Variants in NELL1 observed in about 807,000 individuals in gnomAD.
The protein encoded by NELL1 is protein kinase C-binding protein NELL1.
A neutral mutation model predicts 107.4 loss-of-function variants in NELL1; 76 were observed. That is an observed-to-expected ratio of 0.71 (90% CI 0.59 to 0.86). The LOEUF is 0.86. NELL1 is among the 40% of genes least tolerant of loss of function. The pLI is 0.00. For synonymous variants in NELL1, 353 were observed against 341.2 expected (o/e 1.03, Z -0.38); for missense variants, 1,024 against 1,005.5 (o/e 1.02, Z -0.25).
intron 17 of NELL1, among the ~76,000 whole-genome samples, chr11:21,570,492 C>T (rs528255572): frequency 9.7e-4 from 147 of 151,854 alleles, no homozygotes; most frequent in African/African-American, 3.3e-3. Context: ...CTTAGAAATA[C>T]GATTTTTAAG....
chr11:20,715,641 T>G (rs1275700801), intron 2 of NELL1, among the ~76,000 whole-genome samples: 1 of 152,220 alleles, frequency 6.6e-6, no homozygotes, highest in Non-Finnish European at 1.5e-5. Flanking sequence ...TGCCAATGTG[T>G]CTTTTGACAG....
At chr11:21,129,345 T>C (rs1855562395) in intron 13 of NELL1, among the ~76,000 whole-genome samples, 1 of 152,054 alleles carries the variant, frequency 6.6e-6, no homozygotes, top group Admixed American at 6.6e-5. Context: ...TGGTGGTTCA[T>C]CAAAAATTAA....
Position 21,211,687 on chromosome 11 carries a change from G to A in NELL1, c.1427-17645G>A, listed in dbSNP as rs1857500837. ...GGAATGGCAATGGAAGTGGAAATGTGCAAATGAGTTTGAGAGATACTTAGG... is the reference window on the plus strand; with the variant it reads ...GGAATGGCAATGGAAGTGGAAATGTACAAATGAGTTTGAGAGATACTTAGG... On this transcript the variant is annotated intron_variant, in intron 13 of 19. Transcript: ENST00000357134. Among the ~76,000 whole-genome samples the A allele has an allele frequency of 1.3e-5, 2 of 152,152 alleles. 1 individual carries two copies. Among genetic ancestry groups the A allele is most frequent in the South Asian group, 4.1e-4 (2 of 4,826 alleles).
chr11:20,901,021 ACG>A (rs1849861029), intron 5 of NELL1, among the ~76,000 whole-genome samples: 1 of 152,156 alleles, frequency 6.6e-6, no homozygotes, highest in Non-Finnish European at 1.5e-5. Context: ...TATCATACTT[ACG>A]GTTTAAATAT....
intron 17 of NELL1, among the ~76,000 whole-genome samples, chr11:21,564,893 A>G (rs1175513366): frequency 2.0e-5 from 3 of 151,952 alleles, no homozygotes; most frequent in Non-Finnish European, 4.4e-5. Flanking sequence ...CAGAAACTGA[A>G]GATGGTCATG....
At chr11:21,005,091 GCTCATATTCAGAATAATAA>G (rs1213115674) in intron 12 of NELL1, among the ~76,000 whole-genome samples, 18 of 152,234 alleles carry the variant, frequency 1.2e-4, no homozygotes, top group Non-Finnish European at 1.9e-4. Flanking sequence ...AAAAGGGAGA[GCTCATATTCAGAATAATAA>G]CTCTGTAGGC....
At chr11:21,164,387 C>A (rs1590695938) in intron 13 of NELL1, among the ~76,000 whole-genome samples, 1 of 152,148 alleles carries the variant, frequency 6.6e-6, no homozygotes, top group South Asian at 2.1e-4. Context: ...GTGTGAGTCT[C>A]AATTCTGTAC....
chr11:20,794,687 G>T (rs1163652437), intron 3 of NELL1, among the ~76,000 whole-genome samples: 3 of 151,980 alleles, frequency 2.0e-5, no homozygotes, highest in Non-Finnish European at 4.4e-5. Flanking sequence ...TGATGCTGAT[G>T]ATACTGATAA....
At chr11:20,921,890 C>T (rs1425082077) in intron 7 of NELL1, among the ~76,000 whole-genome samples, 1 of 149,266 alleles carries the variant, frequency 6.7e-6, no homozygotes, top group Non-Finnish European at 1.5e-5. Context: ...AATTATTTGA[C>T]ATTATTTACT....
chr11:21,222,629 A>C (rs989750180), intron 13 of NELL1, among the ~76,000 whole-genome samples: 7 of 152,028 alleles, frequency 4.6e-5, no homozygotes, highest in Admixed American at 1.3e-4. Context: ...TAGATTGCTT[A>C]TTTGAAATCT....
At chr11:20,882,829 T>C (rs1849434980) in intron 4 of NELL1, among the ~76,000 whole-genome samples, 1 of 152,336 alleles carries the variant, frequency 6.6e-6, no homozygotes, top group Non-Finnish European at 1.5e-5. Flanking sequence ...TGCGTATAGC[T>C]TTTATGTCTT....
At chr11:20,759,815 C>T (rs1856379758) in intron 2 of NELL1, among the ~76,000 whole-genome samples, 1 of 152,188 alleles carries the variant, frequency 6.6e-6, no homozygotes, top group Admixed American at 6.5e-5. Flanking sequence ...CAGAATCCAG[C>T]CCTCTGGGGG....
intron 7 of NELL1, among the ~76,000 whole-genome samples, chr11:20,921,794 G>GTTTTT (rs1459056003): frequency 2.0e-5 from 1 of 49,216 alleles, no homozygotes; most frequent in African/African-American, 5.4e-5. Context: ...TTTTTATTGT[G>GTTTTT]TGTGTTTTTT....
intron 2 of NELL1, among the ~76,000 whole-genome samples, chr11:20,682,708 A>T (rs1854218435): frequency 6.6e-6 from 1 of 152,022 alleles, no homozygotes; most frequent in Non-Finnish European, 1.5e-5. Context: ...TCACCCAAAA[A>T]GTTTACCTTT....
At chr11:21,206,099 C>T (rs1047578855) in intron 13 of NELL1, among the ~76,000 whole-genome samples, 2 of 152,096 alleles carry the variant, frequency 1.3e-5, no homozygotes, top group Non-Finnish European at 2.9e-5. Flanking sequence ...TCATACACTC[C>T]ATGGCTTAAA....
At chr11:20,859,981 C>G (rs1362377604) in intron 4 of NELL1, among the ~76,000 whole-genome samples, 1 of 152,210 alleles carries the variant, frequency 6.6e-6, no homozygotes, top group Non-Finnish European at 1.5e-5. Flanking sequence ...ATAAAGGTCA[C>G]AATCCTTAAT....
At chr11:21,023,307 C>G (rs369460175) in intron 12 of NELL1, among the ~76,000 whole-genome samples, 3 of 151,900 alleles carry the variant, frequency 2.0e-5, no homozygotes, top group African/African-American at 4.8e-5. Flanking sequence ...TGTGACTAAG[C>G]CTTAGTACCT....
intron 12 of NELL1, among the ~76,000 whole-genome samples, chr11:21,015,438 G>T (rs1425272362): frequency 3.9e-5 from 6 of 152,090 alleles, no homozygotes; most frequent in Non-Finnish European, 8.8e-5. Flanking sequence ...GAGTGACCTT[G>T]GTTAAAAATG....
At chr11:20,875,186 AT>A (rs897604724) in intron 4 of NELL1, among the ~76,000 whole-genome samples, 5 of 152,052 alleles carry the variant, frequency 3.3e-5, no homozygotes, top group African/African-American at 1.2e-4. Flanking sequence ...TTTTATTTTA[AT>A]TTTTTTAATA....
Sources: allele counts gnomAD v4.1 joint callset (sites outside exome capture counted in the v4.1 genomes callset), GRCh38; gene constraint gnomAD v4.1.1; transcripts MANE v1.5; gene names NCBI Gene and HGNC (gene_info 2026-07-23, HGNC 2026-07-21).